The following ARFGEF1 variants were observed in gnomAD, a reference collection of about 807,000 sequenced individuals.
ARFGEF1 encodes the protein ARF guanine nucleotide exchange factor 1.
ARFGEF1 carries 42 observed loss-of-function variants against 231.0 expected under a neutral mutation model. That is an observed-to-expected ratio of 0.18 (90% confidence interval 0.14 to 0.24). ARFGEF1 has a LOEUF of 0.24. ARFGEF1 is among the 10% of genes least tolerant of loss of function. The pLI is 1.00. For missense variants in ARFGEF1, 1,345 were observed against 2,192.0 expected (o/e 0.61, Z 7.72); for synonymous variants, 710 against 732.3 (o/e 0.97, Z 0.49).
chr8:67,211,272 A>G (rs1234699308), intron 34 of ARFGEF1, among the ~76,000 whole-genome samples: 3 of 139,512 alleles, frequency 2.2e-5, no homozygotes, highest in African/African-American at 8.2e-5. Context: ...TGAACCCGGG[A>G]GGCGGAGGTT....
Position 67,211,582 on chromosome 8 carries a change from C to A in ARFGEF1, c.4720G>T (p.Asp1574Tyr). 6.5e-7 allele frequency: 1 copy of A among 1,545,990 alleles called. No homozygotes were observed. The highest frequency in any genetic ancestry group is 1.2e-5 in the South Asian group (1 of 80,908). The stretch of plus-strand genomic sequence containing the variant: ...TCCACAGACCTTGGTTGAATAGAAT[C>A]ATGAATATCTACAGACTTCTGTGAT... The part of the protein sequence containing the change: ...TISQKSVDIH[D>Y]SIQPRSVDNR... Residue 1574 changes from aspartate (D) to tyrosine (Y), a missense_variant, in exon 34 of 39, where the codon GAT (aspartate) becomes TAT (tyrosine). Coordinates refer to ENST00000262215, the MANE Select transcript of ARFGEF1 (RefSeq NM_006421.5).
At chr8:67,332,193 A>C (rs1475000068) in intron 1 of ARFGEF1, among the ~76,000 whole-genome samples, 1 of 152,230 alleles carries the variant, frequency 6.6e-6, no homozygotes, top group African/African-American at 2.4e-5. Context: ...CTTACATATG[A>C]AGTCACTGAG....
At position 67,253,576 on chromosome 8, in the gene ARFGEF1, C is replaced by T; in HGVS notation, c.2573G>A (p.Gly858Asp). The T allele has an allele frequency of 6.3e-7, 1 of 1,575,978 alleles. No individual in the cohort carries two copies. Among genetic ancestry groups the T allele is most frequent in the Non-Finnish European group, 8.7e-7 (1 of 1,150,062 alleles). ...TKEQYIKMNR[G>D]INDSKDLPEE... is the part of the protein sequence containing the mutation. ...AGGAAGGTCTTTACTGTCATTGATA[C>T]CTCTATTCATCTTAATGTATTGTTC... Residue 858 changes from glycine (G) to aspartate (D), a missense_variant, in exon 18 of 39, where the codon GGT becomes GAT. Physicochemically the swap from Gly to Asp is moderately conservative, Grantham distance 94. This residue lies in a region of ARFGEF1 where 58 missense variants were observed against 133.6 expected (regional missense o/e 0.43). Transcript: ENST00000262215.
At chr8:67,212,243 C>T (rs190407332) in intron 33 of ARFGEF1, among the ~76,000 whole-genome samples, 151 of 152,216 alleles carry the variant, frequency 9.9e-4, no homozygotes, top group African/African-American at 3.2e-3. Context: ...CCACCATGCC[C>T]GGCTCATTTT....
At chr8:67,302,321 T>C (rs1003567694) in intron 2 of ARFGEF1, 115 bp downstream of exon 2, 4 of 572,820 alleles carry the variant, frequency 7.0e-6, no homozygotes, top group African/African-American at 5.8e-5. Flanking sequence ...TTGATTTTAC[T>C]ATAAAACTCA....
chr8:67,219,661 A>C, intron 29 of ARFGEF1, 101 bp from the exon 30 acceptor site: 1 of 1,266,118 alleles, frequency 7.9e-7, no homozygotes, highest in Non-Finnish European at 1.1e-6. Context: ...CAGAAAGCTT[A>C]AAACTAGTCT....
At chr8:67,201,023 C>T (rs751687676) in intron 37 of ARFGEF1, among the ~76,000 whole-genome samples, 2 of 152,182 alleles carry the variant, frequency 1.3e-5, no homozygotes, top group African/African-American at 2.4e-5. Context: ...TGCAGATGAC[C>T]GTATTCTTTC....
intron 23 of ARFGEF1, among the ~76,000 whole-genome samples, chr8:67,229,999 T>A (rs952907226): frequency 6.6e-6 from 1 of 152,016 alleles, no homozygotes; most frequent in Non-Finnish European, 1.5e-5. Flanking sequence ...AGAACTATCA[T>A]CAGCAATAAG....
At chr8:67,332,962 C>T (rs1245304445) in intron 1 of ARFGEF1, among the ~76,000 whole-genome samples, 2 of 152,164 alleles carry the variant, frequency 1.3e-5, no homozygotes, top group Admixed American at 6.5e-5. Flanking sequence ...TTAATTGGCA[C>T]GGAAACTGGC....
At position 67,291,864 on chromosome 8, in the gene ARFGEF1, T is replaced by C; in HGVS notation, c.899A>G (p.Gln300Arg). 6.2e-7 allele frequency: 1 copy of C among 1,613,564 alleles called. No homozygotes were observed. Among genetic ancestry groups the C allele is most frequent in the Middle Eastern group, 1.6e-4 (1 of 6,062 alleles). Residue 300 changes from glutamine (Q) to arginine (R), a missense_variant, in exon 6 of 39, where the codon CAG (glutamine) becomes CGG (arginine). Transcript: ENST00000262215. ...SAENEQTEAD[Q>R]ATAAETLSKN... ...AAGATTACTTTCAGCTGCAGTTGCCTGATCAGCTTCAGTCTGTTCATTTTC... is the reference window on the plus strand; with the variant it reads ...AAGATTACTTTCAGCTGCAGTTGCCCGATCAGCTTCAGTCTGTTCATTTTC...
At chr8:67,280,837 T>C (rs893208475) in intron 7 of ARFGEF1, among the ~76,000 whole-genome samples, 17 of 152,190 alleles carry the variant, frequency 1.1e-4, no homozygotes, top group Non-Finnish European at 1.8e-4. Context: ...TGAGAGTAGA[T>C]TGATCAAATC....
chr8:67,324,239 A>G (rs770697249), intron 1 of ARFGEF1, among the ~76,000 whole-genome samples: 1 of 152,338 alleles, frequency 6.6e-6, no homozygotes, highest in Middle Eastern at 3.4e-3. Flanking sequence ...GTTTGCAGTG[A>G]GGCGGGATCG....
chr8:67,267,284 T>C (rs1445215752), intron 11 of ARFGEF1, 54 bp from the exon 12 acceptor site: 25 of 1,595,336 alleles, frequency 1.6e-5, no homozygotes, highest in South Asian at 2.3e-5. Context: ...ATGAGTACAT[T>C]TGGCCTTTTA....
chr8:67,210,080 G>C (rs899533587), intron 34 of ARFGEF1, among the ~76,000 whole-genome samples: 3 of 150,650 alleles, frequency 2.0e-5, no homozygotes, highest in African/African-American at 7.4e-5. Flanking sequence ...GCGTGAACCC[G>C]GGAGGTGGAG....
intron 23 of ARFGEF1, 47 bp downstream of exon 23, chr8:67,232,807 GA>G (rs1211405829): frequency 7.1e-7 from 1 of 1,413,856 alleles, no homozygotes; most frequent in African/African-American, 1.5e-5. Flanking sequence ...AAATGCTAAA[GA>G]ACTGAAATAG....
At position 67,228,087 on chromosome 8, in the gene ARFGEF1, A is replaced by T; in HGVS notation, c.3467T>A (p.Leu1156His). The T allele has an allele frequency of 5.0e-6, 8 of 1,610,060 alleles. No homozygotes were observed. Among genetic ancestry groups the T allele is most frequent in the Non-Finnish European group, 6.8e-6 (8 of 1,178,696 alleles). ...WLCAVSMDELLSTTHPRMFSL... is the reference protein window; with the variant it reads ...WLCAVSMDELHSTTHPRMFSL... ...AAACATTCTTGGGTGTGTCGTGGAA[A>T]GTAATTCATCCATAGACACAGCACA... Residue 1156 changes from leucine to histidine, a missense_variant, in exon 25 of 39, where the codon CTT becomes CAT. Coordinates refer to ENST00000262215, the MANE Select transcript of ARFGEF1 (RefSeq NM_006421.5).
chr8:67,329,466 T>C (rs1459425455), intron 1 of ARFGEF1, among the ~76,000 whole-genome samples: 1 of 151,258 alleles, frequency 6.6e-6, no homozygotes, highest in Non-Finnish European at 1.5e-5. Flanking sequence ...GAGGCGGAGC[T>C]TGCAGTGAGC....
At chr8:67,287,059 C>G (rs1805790655) in intron 7 of ARFGEF1, among the ~76,000 whole-genome samples, 1 of 152,222 alleles carries the variant, frequency 6.6e-6, no homozygotes, top group Admixed American at 6.5e-5. Context: ...GGTAACATAG[C>G]AGGCCAGAGA....
rs1204925348 is a variant in ARFGEF1, at chr8:67,311,449, A to C, written c.125-8983T>G. Among the ~76,000 whole-genome samples the C allele has an allele frequency of 1.3e-4, 12 of 95,438 alleles. No homozygotes were observed. In the South Asian group the frequency reaches 1.6e-3, roughly 13 times the overall value. The allele number at this position is 95,438 out of a possible 152,430, so 62.6% of individuals were successfully genotyped here. A position where few individuals can be genotyped will look rare whatever the true frequency, so the allele number is the denominator to read the frequency against. On this transcript the variant is annotated intron_variant, in intron 1 of 38. Coordinates refer to ENST00000262215, the MANE Select transcript of ARFGEF1 (RefSeq NM_006421.5). ...AGCCCCCCGCCCGGCCAGCCGCCCC[A>C]TCAGGGAGGGAGGTGGGGGGGTCAG...
Sources: allele counts gnomAD v4.1 joint callset (sites outside exome capture counted in the v4.1 genomes callset), GRCh38; gene constraint gnomAD v4.1.1; regional missense constraint gnomAD v4.1.1; transcripts MANE v1.5; gene names NCBI Gene and HGNC (gene_info 2026-07-23, HGNC 2026-07-21).